MEIOSIN: variants seen among roughly 807,000 people sequenced by gnomAD.
MEIOSIN encodes the protein meiosis initiator protein.
MEIOSIN carries 18 observed loss-of-function variants against 23.4 expected under a neutral mutation model. The ratio of observed to expected loss-of-function variants is 0.77; its 90% CI spans 0.53 to 1.14. The LOEUF (loss-of-function observed/expected upper bound fraction) is 1.14. Among genes scored for constraint, MEIOSIN ranks in the 50% most tolerant of loss-of-function variants. The pLI is 0.00. For missense variants in MEIOSIN, 428 were observed against 242.9 expected (o/e 1.76, Z -5.07); for synonymous variants, 187 against 100.6 (o/e 1.86, Z -5.14).
chr19:45,733,634 G>A lies in MEIOSIN; in HGVS notation c.-33G>A, dbSNP rs1278646362. On this transcript the variant is annotated 5_prime_UTR_variant, in exon 1 of 15. Transcript: ENST00000457052. The surrounding 1 kb of genome is among the most constrained non-coding windows in gnomAD (Gnocchi z 5.7). ...GGGGCCCGGAGAAACCAGAACGGCG[G>A]GGGCAGCCTCACGCCATTTTGCACG... is the stretch of plus-strand genomic sequence containing the variant. 1 of 152,314 alleles carries A rather than the reference G, an allele frequency of 6.6e-6. No homozygotes were observed. The highest frequency in any genetic ancestry group is 2.4e-5 in the African/African-American group (1 of 41,474). The allele number at this position is 152,314 out of a possible 1,614,324, so 9.4% of individuals were successfully genotyped here.
chr19:45,757,770 C>T (rs1968859355), intron 9 of MEIOSIN, among the ~76,000 whole-genome samples: 1 of 152,158 alleles, frequency 6.6e-6, no homozygotes, highest in Non-Finnish European at 1.5e-5. Context: ...ATCTGCCCGC[C>T]TCAGCCTCCC....
rs1055660875 is a variant in MEIOSIN at position 45,758,974 on chromosome 19, C to G, written c.1109C>G (p.Ser370Cys). The change falls in exon 10 of 15, where the codon TCC becomes TGC. Residue 370 changes from serine to cysteine, a missense_variant. Coordinates refer to ENST00000457052, the MANE Select transcript of MEIOSIN (RefSeq NM_001310124.2). ...GGGCTCAGCCCTAGCCTTTTCAGCT[C>G]CCCAGGGAAACTGCTGCCAGACGAG... ...ILGLSPSLFS[S>C]PGKLLPDEIL... The G allele has an allele frequency of 1.4e-5, 10 of 702,986 alleles. No individual in the cohort carries two copies. Among genetic ancestry groups the G allele is most frequent in the Non-Finnish European group, 2.6e-5 (10 of 385,032 alleles). The allele number at this position is 702,986 out of a possible 1,614,324, so 43.5% of individuals were successfully genotyped here. A position where few individuals can be genotyped will look rare whatever the true frequency, so the allele number is the denominator to read the frequency against.
intron 5 of MEIOSIN, among the ~76,000 whole-genome samples, chr19:45,751,367 C>G (rs1196921027): frequency 2.0e-5 from 3 of 151,326 alleles, no homozygotes; most frequent in Non-Finnish European, 4.4e-5. Flanking sequence ...TAAAATCCCT[C>G]AGTAATTTTC....
At chr19:45,738,581 T>C (rs747987586) in intron 2 of MEIOSIN, among the ~76,000 whole-genome samples, 6 of 152,198 alleles carry the variant, frequency 3.9e-5, no homozygotes, top group Non-Finnish European at 5.9e-5. Context: ...ATCGCGCCGC[T>C]GCGCTCCAGC....
intron 11 of MEIOSIN, among the ~76,000 whole-genome samples, chr19:45,759,822 A>T (rs1258443679): frequency 1.3e-5 from 2 of 151,352 alleles, no homozygotes; most frequent in East Asian, 3.9e-4. Context: ...TTTTATTTAG[A>T]CTGAGTTTCC....
chr19:45,749,693 CG>C (rs1968658979), intron 4 of MEIOSIN, among the ~76,000 whole-genome samples: 1 of 82,206 alleles, frequency 1.2e-5, no homozygotes, highest in African/African-American at 5.0e-5. Flanking sequence ...AAAAAAAAAG[CG>C]CAAAAAAAAA....
chr19:45,736,423 C>G (rs1407314847), intron 2 of MEIOSIN, among the ~76,000 whole-genome samples: 1 of 151,892 alleles, frequency 6.6e-6, no homozygotes, highest in African/African-American at 2.4e-5. Flanking sequence ...AGTGCAGTGG[C>G]GCGATCTTGG....
intron 2 of MEIOSIN, among the ~76,000 whole-genome samples, chr19:45,736,307 A>C (rs1053336378): frequency 1.3e-5 from 2 of 151,956 alleles, no homozygotes; most frequent in East Asian, 3.9e-4. Context: ...TTATCTTCCC[A>C]AAGTGCTGGA....
chr19:45,736,614 G>A (rs779895424), intron 2 of MEIOSIN, among the ~76,000 whole-genome samples: 5 of 150,980 alleles, frequency 3.3e-5, no homozygotes, highest in Admixed American at 2.6e-4. Context: ...CGATCCGCCC[G>A]CTGGAGTGCA....
At position 45,761,812 on chromosome 19, in the gene MEIOSIN, G is replaced by A. The variant is rs748559520; in HGVS notation, c.1379G>A (p.Ser460Asn). Residue 460 changes from serine (S) to asparagine (N), a missense_variant, in exon 12 of 15, where the codon AGC becomes AAC. Coordinates refer to ENST00000457052, the MANE Select transcript of MEIOSIN (RefSeq NM_001310124.2). ...KAPSSSSSSS[S>N]SSSSSEDSDS... ...CCATCCAGCTCCAGCTCCAGCTCCA[G>A]CTCCAGCTCCAGCTCGGAGGACAGC... The A allele has an allele frequency of 4.1e-5, 29 of 701,704 alleles. No homozygotes were observed. The highest frequency in any genetic ancestry group is 7.1e-5 in the Non-Finnish European group (27 of 382,822). 43.5% of individuals were successfully genotyped at this position (701,704 alleles called of 1,614,324 possible).
chr19:45,756,983 C>T (rs1968842712), intron 8 of MEIOSIN, among the ~76,000 whole-genome samples, 194 bp from the exon 9 acceptor site: 3 of 152,322 alleles, frequency 2.0e-5, no homozygotes, highest in Non-Finnish European at 1.5e-5. Context: ...CCTCCAGCGC[C>T]CTCGGTCACA....
chr19:45,736,453 C>G (rs1328478314), intron 2 of MEIOSIN, among the ~76,000 whole-genome samples: 1 of 152,128 alleles, frequency 6.6e-6, no homozygotes, highest in Non-Finnish European at 1.5e-5. Flanking sequence ...ACCTCTGCCT[C>G]CCAGGCTCAA....
chr19:45,737,409 G>T (rs890412198), intron 2 of MEIOSIN, among the ~76,000 whole-genome samples: 1 of 150,126 alleles, frequency 6.7e-6, no homozygotes, highest in African/African-American at 2.5e-5. Flanking sequence ...CAAACTCCTG[G>T]GATCCAGTGA....
chr19:45,751,193 A>G (rs1568557090), intron 5 of MEIOSIN, among the ~76,000 whole-genome samples: 1 of 151,392 alleles, frequency 6.6e-6, no homozygotes, highest in Non-Finnish European at 1.5e-5. Flanking sequence ...AATCACTTGA[A>G]CCTGGGAGGC....
In MEIOSIN at chr19:45,759,431, G is replaced by A. The variant is rs922884952; in HGVS notation, c.1186G>A (p.Val396Met). ...CTCCCTAGCGGCTTTCTTTGAAGAA[G>A]TGTGCTTAGATCTGGAGTCTTCACC... ...YLTQAAFFEE[V>M]CLDLESSPSA... The change falls in exon 11 of 15, where the codon GTG becomes ATG. Residue 396 changes from valine to methionine, a missense_variant. Coordinates refer to ENST00000457052, the MANE Select transcript of MEIOSIN (RefSeq NM_001310124.2). The A allele has an allele frequency of 5.7e-6, 4 of 703,426 alleles. No individual in the cohort carries two copies. Among genetic ancestry groups the A allele is most frequent in the Non-Finnish European group, 1.0e-5 (4 of 385,102 alleles). The allele number at this position is 703,426 out of a possible 1,614,324, so 43.6% of individuals were successfully genotyped here.
At chr19:45,741,077 C>T (rs560771967) in intron 3 of MEIOSIN, among the ~76,000 whole-genome samples, 16 of 151,922 alleles carry the variant, frequency 1.1e-4, no homozygotes, top group African/African-American at 2.7e-4. Flanking sequence ...ACGCTGGGTG[C>T]GGTGGCTCAC....
chr19:45,743,449 A>G (rs1432397522), intron 3 of MEIOSIN, among the ~76,000 whole-genome samples: 1 of 152,150 alleles, frequency 6.6e-6, no homozygotes, highest in Non-Finnish European at 1.5e-5. Context: ...TTTATCTCGA[A>G]GGATAGAACC....
At chr19:45,750,153 C>T (rs553128429) in intron 4 of MEIOSIN, among the ~76,000 whole-genome samples, 6 of 142,878 alleles carry the variant, frequency 4.2e-5, no homozygotes, top group Admixed American at 1.4e-4. Context: ...ATTCTTCAGT[C>T]GGCAGAGACC....
rs1032158870 is a variant in MEIOSIN at position 45,755,962 on chromosome 19, C to T, written c.803-8C>T. 1 of 701,842 alleles carries T rather than the reference C, an allele frequency of 1.4e-6. No homozygotes were observed. Among genetic ancestry groups the T allele is most frequent in the African/African-American group, 1.7e-5 (1 of 57,234 alleles). 43.5% of individuals were successfully genotyped at this position (701,842 alleles called of 1,614,324 possible). ...CCCCAGGCATGGTCATCCTGATCTG[C>T]CCCTTAGGCTGCTGGTGCCAGGGCA... On this transcript the variant is annotated splice_region_variant and splice_polypyrimidine_tract_variant and intron_variant, in intron 7 of 14. Transcript: ENST00000457052.
Sources: gnomAD v4.1 joint callset for allele counts (sites outside exome capture counted in the v4.1 genomes callset) on GRCh38, gnomAD v4.1.1 for gene constraint, Gnocchi (gnomAD v3.1) non-coding constraint, MANE v1.5 for transcripts, NCBI Gene and HGNC (gene_info 2026-07-23, HGNC 2026-07-21) for gene names.